Variants in TNC observed in about 807,000 individuals in gnomAD.
TNC encodes the protein tenascin C, also known as tenascin.
In TNC, 109 loss-of-function variants were observed where a neutral mutation model predicts 202.4. The ratio of observed to expected loss-of-function variants is 0.54; its 90% CI spans 0.46 to 0.63. The LOEUF is 0.63. Among genes scored for constraint, TNC ranks in the 30% least tolerant of loss-of-function variants. The pLI is 0.00. For synonymous variants in TNC, 1,007 were observed against 1,089.7 expected (o/e 0.92, Z 1.50); for missense variants, 2,756 against 2,833.3 (o/e 0.97, Z 0.62).
intron 19 of TNC, among the ~76,000 whole-genome samples, chr9:115,040,482 A>AACAAT (rs1830647426): frequency 6.6e-6 from 1 of 152,226 alleles, no homozygotes; most frequent in Non-Finnish European, 1.5e-5. Context: ...ATGGTGGGCT[A>AACAAT]ACATGAACAA....
At position 115,077,518 on chromosome 9, in the gene TNC, A is replaced by G. The variant is rs76366943; in HGVS notation, c.2674+425T>C. Among the ~76,000 whole-genome samples the G allele has an allele frequency of 0.013, 1,926 of 152,352 alleles. 167 individuals are homozygous for G. In the East Asian group the frequency reaches 0.24, roughly 19 times the overall value. ...TCATCATATTTCTAATAACTCACAA[A>G]GTACTTACTGAGCTCTGAAAAATAT... On this transcript the variant is annotated intron_variant, in intron 7 of 27. Coordinates refer to ENST00000350763, the MANE Select transcript of TNC (RefSeq NM_002160.4).
chr9:115,064,924 A>G lies in TNC; in HGVS notation c.3215-5T>C. On this transcript the variant is annotated splice_region_variant and splice_polypyrimidine_tract_variant and intron_variant, in intron 10 of 27. Coordinates refer to ENST00000350763, the MANE Select transcript of TNC (RefSeq NM_002160.4). ...TTTCCAGCTCAGGGGCTTGTTCTGA[A>G]TAATGACAGAGATGGGGTCAGTTAA... is the stretch of plus-strand genomic sequence containing the variant. 2 of 1,610,946 alleles carry G rather than the reference A, an allele frequency of 1.2e-6. No individual in the cohort carries two copies. Among genetic ancestry groups the G allele is most frequent in the East Asian group, 2.2e-5 (1 of 44,804 alleles).
Position 115,036,172 on chromosome 9 carries a change from G to A in TNC, c.5582C>T (p.Thr1861Met), listed in dbSNP as rs761108093. 21 of 1,613,982 alleles carry A rather than the reference G, an allele frequency of 1.3e-5. 1 individual carries two copies. The South Asian group carries it at 1.9e-4, about 14-fold the overall frequency. Residue 1861 changes from threonine (T) to methionine (M), a missense_variant, in exon 21 of 28, where the codon ACG becomes ATG. By Grantham distance (81) the Thr-to-Met change is moderately conservative (BLOSUM62 -1). Around this residue, in one of 2 missense-constraint regions of TNC, gnomAD observed 2,559 missense variants for 2,546.0 expected, o/e 1.01. Transcript: ENST00000350763. ...TGCAAAGATTCTCAGTGTGTATTCC[G>A]TGGCAGGCTCGAGGTCGGTCAGAGC... ...EYALTDLEPA[T>M]EYTLRIFAEK... is the part of the protein sequence containing the mutation.
chr9:115,044,142 G>C (rs1830987566), intron 17 of TNC, among the ~76,000 whole-genome samples: 1 of 151,972 alleles, frequency 6.6e-6, no homozygotes, highest in Admixed American at 6.6e-5. Context: ...GCTATGGAGA[G>C]GTACCTTGTG....
At chr9:115,039,053 C>A (rs1290478130) in intron 19 of TNC, among the ~76,000 whole-genome samples, 2 of 152,134 alleles carry the variant, frequency 1.3e-5, no homozygotes, top group Admixed American at 1.3e-4. Context: ...TGGTCTTGAA[C>A]ACCTGACCTC....
intron 10 of TNC, among the ~76,000 whole-genome samples, chr9:115,072,306 A>C (rs1240141859): frequency 6.6e-6 from 1 of 152,198 alleles, no homozygotes; most frequent in Non-Finnish European, 1.5e-5. Context: ...TGACTTTGAG[A>C]ATGGAAGCCA....
intron 8 of TNC, 107 bp from the exon 9 acceptor site, chr9:115,076,228 G>T: frequency 7.0e-7 from 1 of 1,426,064 alleles, no homozygotes; most frequent in Non-Finnish European, 9.9e-7. Context: ...ACAAATTTTC[G>T]GAATGTTTTA....
intron 6 of TNC, among the ~76,000 whole-genome samples, chr9:115,080,802 C>A (rs975242620): frequency 6.6e-6 from 1 of 151,534 alleles, no homozygotes; most frequent in Non-Finnish European, 1.5e-5. Context: ...ATCCCAGCTA[C>A]TTGGGAGACT....
chr9:115,107,437 A>T (rs1247083952), intron 1 of TNC, among the ~76,000 whole-genome samples: 1 of 152,246 alleles, frequency 6.6e-6, no homozygotes, highest in Admixed American at 6.5e-5. Context: ...ATGAAACTAA[A>T]TACAGATTGA....
At chr9:115,060,816 T>C (rs1832487262) in intron 13 of TNC, among the ~76,000 whole-genome samples, 1 of 152,196 alleles carries the variant, frequency 6.6e-6, no homozygotes, top group African/African-American at 2.4e-5. Context: ...GCTTGTTTCT[T>C]CTTCCACCTT....
rs112306332 is a variant in TNC, at chr9:115,040,928, C to T, written c.5392+13G>A. 4 of 1,606,826 alleles carry T rather than the reference C, an allele frequency of 2.5e-6. No homozygotes were observed. In the South Asian group the frequency reaches 4.5e-5, roughly 18 times the overall value. On this transcript the variant is annotated intron_variant, in intron 19 of 27. Transcript: ENST00000350763. ...AGTAACACACACACACACACACAAC[C>T]CCACCAACTCACCTGTGGTGAATGA...
Position 115,073,839 on chromosome 9 carries a change from A to G in TNC, c.2978T>C (p.Val993Ala). ...CAGGCTGGTCTCTGCAGTTTCAGAA[A>G]CCTGAAGGTCCTTGGGCGTGTCCAA... Reference protein sequence around the residue: ...TELDTPKDLQVSETAETSLTL... With the variant: ...TELDTPKDLQASETAETSLTL... The change falls in exon 10 of 28, where the codon GTT becomes GCT. Residue 993 changes from valine (V) to alanine (A), a missense_variant. By Grantham distance (64) the Val-to-Ala change is moderately conservative. Around this residue, in one of 2 missense-constraint regions of TNC, gnomAD observed 2,559 missense variants for 2,546.0 expected, o/e 1.01. Coordinates refer to ENST00000350763, the MANE Select transcript of TNC (RefSeq NM_002160.4). The G allele has an allele frequency of 6.2e-7, 1 of 1,612,488 alleles. No individual in the cohort carries two copies. Among genetic ancestry groups the G allele is most frequent in the Non-Finnish European group, 8.5e-7 (1 of 1,179,974 alleles).
rs1411067887 is a variant in TNC, at chr9:115,081,795, C to T, written c.2381G>A (p.Gly794Asp). The change falls in exon 6 of 28, where the codon GGC becomes GAC. Residue 794 changes from glycine to aspartate, a missense_variant. By Grantham distance (94) the Gly-to-Asp change is moderately conservative (BLOSUM62 -1). Around this residue, in one of 2 missense-constraint regions of TNC, gnomAD observed 2,559 missense variants for 2,546.0 expected, o/e 1.01. Transcript: ENST00000350763. Reference sequence around the variant, plus strand: ...ACGTGTGGTGGTCACCCTCTTCAGGCCAGGGCCCCGGGTATTGTTTTTCAC... The same window carrying T: ...ACGTGTGGTGGTCACCCTCTTCAGGTCAGGGCCCCGGGTATTGTTTTTCAC... The part of the protein sequence containing the change: ...HIVKNNTRGP[G>D]LKRVTTTRLD... 1 of 1,613,760 alleles carries T rather than the reference C, an allele frequency of 6.2e-7. No individual in the cohort carries two copies. The highest frequency in any genetic ancestry group is 1.3e-5 in the African/African-American group (1 of 74,894).
At chr9:115,067,635 C>T (rs952485370) in intron 10 of TNC, among the ~76,000 whole-genome samples, 37 of 152,120 alleles carry the variant, frequency 2.4e-4, no homozygotes, top group African/African-American at 8.7e-4. Context: ...ATGTCTCTTC[C>T]TAATGAGAAT....
At chr9:115,081,992 C>T (rs1434745542) in intron 5 of TNC, 64 bp from the exon 6 acceptor site, 32 of 1,447,064 alleles carry the variant, frequency 2.2e-5, no homozygotes, top group Middle Eastern at 5.0e-4. Context: ...TTATGTGATT[C>T]ATTCACTCTG....
chr9:115,046,324 C>G, intron 17 of TNC, 86 bp downstream of exon 17: 2 of 1,490,900 alleles, frequency 1.3e-6, no homozygotes, highest in Non-Finnish European at 9.1e-7. Flanking sequence ...TGCCTGCATC[C>G]AAAGCTCCTG....
chr9:115,099,179 T>C (rs1482353186), intron 1 of TNC, among the ~76,000 whole-genome samples: 1 of 152,008 alleles, frequency 6.6e-6, no homozygotes, highest in Non-Finnish European at 1.5e-5. Flanking sequence ...GACTGAGAAT[T>C]AATTTCTAAA....
At chr9:115,027,840 C>G (rs1404178615) in intron 25 of TNC, among the ~76,000 whole-genome samples, 1 of 152,014 alleles carries the variant, frequency 6.6e-6, no homozygotes, top group Non-Finnish European at 1.5e-5. Context: ...TGGTTAGACT[C>G]CTATGGGCAA....
intron 1 of TNC, among the ~76,000 whole-genome samples, chr9:115,091,636 G>C (rs1174241137): frequency 3.9e-5 from 6 of 152,174 alleles, no homozygotes; most frequent in Non-Finnish European, 7.4e-5. Context: ...GGTCCCGGTA[G>C]ATGTTCAGTA....
Sources: allele counts gnomAD v4.1 joint callset (sites outside exome capture counted in the v4.1 genomes callset), GRCh38; gene constraint gnomAD v4.1.1; regional missense constraint gnomAD v4.1.1; transcripts MANE v1.5; gene names NCBI Gene and HGNC (gene_info 2026-07-23, HGNC 2026-07-21).